The following AP4S1 variants were observed in gnomAD, a reference collection of about 807,000 sequenced individuals.
AP4S1 encodes the protein AP-4 complex subunit sigma-1.
In AP4S1, 23 loss-of-function variants were observed where a neutral mutation model predicts 19.8. The ratio of observed to expected loss-of-function variants is 1.16; its 90% CI spans 0.84 to 1.65. The LOEUF is 1.65. AP4S1 is among the 40% of genes most tolerant of loss of function. AP4S1 has a pLI of 0.00. For synonymous variants in AP4S1, 46 were observed against 54.1 expected (o/e 0.85, Z 0.66); for missense variants, 166 against 172.8 (o/e 0.96, Z 0.22).
At chr14:31,073,014 A>C in intron 4 of AP4S1, 41 bp downstream of exon 4, 1 of 1,497,492 alleles carries the variant, frequency 6.7e-7, no homozygotes, top group Non-Finnish European at 9.3e-7. Flanking sequence ...TCCTCAACCC[A>C]GTTTCCCAGA....
At chr14:31,085,331 G>A (rs2139117798) in intron 5 of AP4S1, 1 of 993,310 alleles carries the variant, frequency 1.0e-6, no homozygotes, top group Non-Finnish European at 1.2e-6. Context: ...AGAAGGCTGG[G>A]TGGTAGCTGG....
chr14:31,053,208 T>C (rs1885905293), intron 1 of AP4S1, among the ~76,000 whole-genome samples: 1 of 152,146 alleles, frequency 6.6e-6, no homozygotes, highest in African/African-American at 2.4e-5. Context: ...CCCAAAGTGT[T>C]GGGATTACAG....
At chr14:31,086,881 C>T (rs1350364351) in intron 5 of AP4S1, among the ~76,000 whole-genome samples, 4 of 151,854 alleles carry the variant, frequency 2.6e-5, no homozygotes, top group African/African-American at 9.7e-5. Flanking sequence ...TTTTTACAGT[C>T]AGGGTCTTGC....
chr14:31,070,738 G>A (rs1042874353), intron 3 of AP4S1, among the ~76,000 whole-genome samples: 1 of 152,174 alleles, frequency 6.6e-6, no homozygotes, highest in Non-Finnish European at 1.5e-5. Flanking sequence ...TAAGTATAGA[G>A]GCCGACTGAT....
intron 2 of AP4S1, 130 bp downstream of exon 2, chr14:31,066,464 A>C (rs1566533042): frequency 7.9e-7 from 1 of 1,264,210 alleles, no homozygotes; most frequent in East Asian, 2.3e-5. Context: ...AAAATAAGTG[A>C]TGTGAAATGA....
intron 4 of AP4S1, among the ~76,000 whole-genome samples, chr14:31,075,300 T>C (rs1158819188): frequency 2.6e-5 from 4 of 152,242 alleles, no homozygotes; most frequent in African/African-American, 9.6e-5. Flanking sequence ...GGTGCCTGGC[T>C]TATTTCACTG....
chr14:31,067,072 G>A (rs1365604795), intron 2 of AP4S1, among the ~76,000 whole-genome samples: 1 of 152,022 alleles, frequency 6.6e-6, no homozygotes, highest in South Asian at 2.1e-4. Context: ...TTAGCTGGGC[G>A]TAATTGTGCA....
intron 1 of AP4S1, among the ~76,000 whole-genome samples, chr14:31,061,706 G>A (rs770538250): frequency 2.0e-5 from 3 of 151,460 alleles, no homozygotes; most frequent in Non-Finnish European, 1.5e-5. Flanking sequence ...GCAGTGGTGC[G>A]ATGTCAGCTC....
intron 1 of AP4S1, among the ~76,000 whole-genome samples, chr14:31,038,878 A>G (rs1447447783): frequency 6.6e-6 from 1 of 152,178 alleles, no homozygotes; most frequent in Non-Finnish European, 1.5e-5. Flanking sequence ...ACATTGTATT[A>G]CCAAGAGTGA....
intron 5 of AP4S1, chr14:31,085,237 T>C (rs1343589089): frequency 9.6e-7 from 1 of 1,046,414 alleles, no homozygotes; most frequent in Non-Finnish European, 1.2e-6. Flanking sequence ...ATTTATAAGG[T>C]CCCTAGATAT....
intron 1 of AP4S1, chr14:31,033,151 AC>A (rs1438180815): frequency 6.6e-6 from 1 of 152,156 alleles, no homozygotes; most frequent in Admixed American, 6.6e-5. Context: ...CAAATCATTT[AC>A]ATGTTTGAAA....
rs1427572971 is a variant in AP4S1, at chr14:31,034,639, AG to A, written c.-72+8853del. Among the ~76,000 whole-genome samples the A allele has an allele frequency of 6.1e-5, 8 of 130,136 alleles. No homozygotes were observed. The East Asian group carries it at 1.8e-3, about 30-fold the overall frequency. 85.4% of individuals were successfully genotyped at this position (130,136 alleles called of 152,430 possible). A position where few individuals can be genotyped will look rare whatever the true frequency, so the allele number is the denominator to read the frequency against. ...TTTTTTTTTTTTTTTTTTTTTAGACAGAGTCTTGCTCTGTCATGCCCAGCCT... is the reference window on the plus strand; with the variant it reads ...TTTTTTTTTTTTTTTTTTTTTAGACAAGTCTTGCTCTGTCATGCCCAGCCT... On this transcript the variant is annotated intron_variant, in intron 1 of 5. Coordinates refer to ENST00000542754, the MANE Select transcript of AP4S1 (RefSeq NM_001128126.3).
At chr14:31,058,517 C>CTGTGTGTGTGTGTGTGTGTG (rs1241249693) in intron 1 of AP4S1, among the ~76,000 whole-genome samples, 9 of 139,458 alleles carry the variant, frequency 6.5e-5, no homozygotes, top group South Asian at 2.5e-4. Flanking sequence ...TTCCCCATCT[C>CTGTGTGTGTGTGTGTGTGTG]TGTGTGTGTA....
At chr14:31,087,047 C>T (rs1467812106) in intron 5 of AP4S1, among the ~76,000 whole-genome samples, 1 of 152,018 alleles carries the variant, frequency 6.6e-6, no homozygotes. Context: ...CATGCACCAC[C>T]ACACCCAGCT....
chr14:31,073,217 G>A (rs564791201), intron 4 of AP4S1: 74 of 424,900 alleles, frequency 1.7e-4, no homozygotes, highest in Middle Eastern at 7.5e-4. Context: ...ATAGCAGGGC[G>A]CGATGGCTCA....
intron 1 of AP4S1, among the ~76,000 whole-genome samples, chr14:31,058,232 G>A (rs181427616): frequency 1.7e-4 from 26 of 152,088 alleles, no homozygotes; most frequent in African/African-American, 2.7e-4. Context: ...GCCTGGCCCC[G>A]TATTCTACTC....
At position 31,093,465 on chromosome 14, in the gene AP4S1, AT is replaced by A. The variant is rs34042875; in HGVS notation, c.*443del. On this transcript the variant is annotated 3_prime_UTR_variant, in exon 6 of 6. Transcript: ENST00000542754. ...TGAGTAACGCTGTTTTCTGAAAGCT[AT>A]TTTTTTTTTTTTGAGACGGAGTCTA... 371 of 148,700 alleles carry A rather than the reference AT, an allele frequency of 2.5e-3. No homozygotes were observed. Among genetic ancestry groups the A allele is most frequent in the Middle Eastern group, 0.014 (4 of 286 alleles). The allele number at this position is 148,700 out of a possible 1,614,324, so 9.2% of individuals were successfully genotyped here.
chr14:31,048,418 G>A (rs1885545949), intron 1 of AP4S1, among the ~76,000 whole-genome samples: 2 of 151,272 alleles, frequency 1.3e-5, no homozygotes, highest in African/African-American at 4.9e-5. Flanking sequence ...GCCTATTTTT[G>A]TAATTTCTTA....
intron 1 of AP4S1, among the ~76,000 whole-genome samples, chr14:31,053,091 C>T (rs1468162123): frequency 1.3e-5 from 2 of 151,920 alleles, no homozygotes; most frequent in Admixed American, 6.6e-5. Flanking sequence ...TAGGCACCCA[C>T]CACCATGCCC....
Sources: allele counts gnomAD v4.1 joint callset (sites outside exome capture counted in the v4.1 genomes callset), GRCh38; gene constraint gnomAD v4.1.1; transcripts MANE v1.5; gene names NCBI Gene and HGNC (gene_info 2026-07-23, HGNC 2026-07-21).